ZNF804B: variants seen among roughly 807,000 people sequenced by gnomAD.
ZNF804B encodes zinc finger protein 804B, also known as zinc finger 804B.
ZNF804B carries 80 observed loss-of-function variants against 101.4 expected under a neutral mutation model. The ratio of observed to expected loss-of-function variants is 0.79; its 90% CI spans 0.66 to 0.95. The LOEUF is 0.95. Ranked by LOEUF, ZNF804B falls within the 40% of genes least tolerant of loss-of-function variation. The pLI is 0.00. For synonymous variants in ZNF804B, 622 were observed against 558.8 expected (o/e 1.11, Z -1.59); for missense variants, 1,673 against 1,561.9 (o/e 1.07, Z -1.20).
intron 1 of ZNF804B, among the ~76,000 whole-genome samples, chr7:89,104,089 C>A (rs1304739906): frequency 1.3e-5 from 2 of 151,966 alleles, no homozygotes; most frequent in African/African-American, 2.4e-5. Context: ...ACCTCTTTAT[C>A]ATGCTGAATT....
chr7:89,090,334 A>T (rs922481404), intron 1 of ZNF804B, among the ~76,000 whole-genome samples: 4 of 152,036 alleles, frequency 2.6e-5, no homozygotes, highest in Non-Finnish European at 5.9e-5. Flanking sequence ...AAAATTTTTT[A>T]AAATGCTAGA....
chr7:89,092,096 T>C (rs1156457001), intron 1 of ZNF804B, among the ~76,000 whole-genome samples: 1 of 151,938 alleles, frequency 6.6e-6, no homozygotes, highest in Non-Finnish European at 1.5e-5. Flanking sequence ...AAATCCAAAA[T>C]CAAGGGGCCA....
At chr7:89,142,554 T>C (rs1305603112) in intron 1 of ZNF804B, among the ~76,000 whole-genome samples, 1 of 152,000 alleles carries the variant, frequency 6.6e-6, no homozygotes, top group Non-Finnish European at 1.5e-5. Flanking sequence ...AGTAAAGCTA[T>C]GTTTCATCTC....
At chr7:89,128,746 G>A (rs1158723013) in intron 1 of ZNF804B, among the ~76,000 whole-genome samples, 2 of 151,776 alleles carry the variant, frequency 1.3e-5, no homozygotes, top group East Asian at 1.9e-4. Flanking sequence ...CTACTTCTCT[G>A]TGTAACTAAA....
intron 1 of ZNF804B, among the ~76,000 whole-genome samples, chr7:89,192,669 C>A (rs570017148): frequency 6.6e-5 from 10 of 152,042 alleles, no homozygotes; most frequent in African/African-American, 1.9e-4. Flanking sequence ...CATCATCATT[C>A]TGACACCATA....
At chr7:89,088,039 A>G (rs1789832815) in intron 1 of ZNF804B, among the ~76,000 whole-genome samples, 1 of 151,612 alleles carries the variant, frequency 6.6e-6, no homozygotes, top group South Asian at 2.1e-4. Context: ...TCTTCAAGAG[A>G]GTATATTTGA....
At chr7:89,279,813 C>CT (rs1790054547) in intron 2 of ZNF804B, among the ~76,000 whole-genome samples, 2 of 151,766 alleles carry the variant, frequency 1.3e-5, no homozygotes, top group South Asian at 2.1e-4. Flanking sequence ...CTAAAATTCT[C>CT]TTTTTTGGTT....
At chr7:88,960,420 G>T (rs911356066) in intron 1 of ZNF804B, among the ~76,000 whole-genome samples, 2 of 151,310 alleles carry the variant, frequency 1.3e-5, no homozygotes, top group South Asian at 2.1e-4. Context: ...GTGCGGGAGT[G>T]GGGGATGGTG....
At chr7:89,182,582 A>G (rs566620791) in intron 1 of ZNF804B, among the ~76,000 whole-genome samples, 1 of 152,284 alleles carries the variant, frequency 6.6e-6, no homozygotes, top group South Asian at 2.1e-4. Flanking sequence ...CTTTTTCTTG[A>G]TGACCTTGTA....
intron 1 of ZNF804B, among the ~76,000 whole-genome samples, chr7:89,181,072 T>C (rs1788288569): frequency 6.6e-6 from 1 of 151,502 alleles, no homozygotes; most frequent in Admixed American, 6.6e-5. Flanking sequence ...AGTTGAAAGG[T>C]AATGTCCTCC....
intron 1 of ZNF804B, among the ~76,000 whole-genome samples, chr7:89,038,365 G>A (rs1302366956): frequency 6.6e-6 from 1 of 152,150 alleles, no homozygotes; most frequent in African/African-American, 2.4e-5. Flanking sequence ...CAAAACGAGT[G>A]TGAGGTGATA....
chr7:88,933,657 T>C (rs1032829727), intron 1 of ZNF804B, among the ~76,000 whole-genome samples: 1 of 151,844 alleles, frequency 6.6e-6, no homozygotes, highest in African/African-American at 2.4e-5. Flanking sequence ...AAGCTGAGTA[T>C]CAAATCATGA....
At chr7:88,975,720 GTTGTC>G (rs1793607317) in intron 1 of ZNF804B, among the ~76,000 whole-genome samples, 1 of 151,530 alleles carries the variant, frequency 6.6e-6, no homozygotes, top group Admixed American at 6.6e-5. Flanking sequence ...CAATCTGTGG[GTTGTC>G]TCTTCATTTT....
chr7:88,983,205 T>A (rs575551017), intron 1 of ZNF804B, among the ~76,000 whole-genome samples: 1 of 152,140 alleles, frequency 6.6e-6, no homozygotes, highest in East Asian at 1.9e-4. Flanking sequence ...GACTCTCAGG[T>A]CCAGCATGAG....
intron 1 of ZNF804B, among the ~76,000 whole-genome samples, chr7:89,155,123 A>G (rs1020688868): frequency 3.3e-5 from 5 of 152,120 alleles, no homozygotes; most frequent in Admixed American, 6.5e-5. Context: ...CTCCACCCTG[A>G]TGCTTTCAAA....
At chr7:89,109,330 A>G (rs1790180108) in intron 1 of ZNF804B, among the ~76,000 whole-genome samples, 1 of 152,208 alleles carries the variant, frequency 6.6e-6, no homozygotes, top group African/African-American at 2.4e-5. Context: ...TTGAAGAGTT[A>G]TGAGAATAGC....
intron 1 of ZNF804B, among the ~76,000 whole-genome samples, chr7:88,790,044 C>T (rs997748335): frequency 5.9e-5 from 9 of 151,954 alleles, no homozygotes; most frequent in African/African-American, 1.4e-4. Flanking sequence ...GGATTATCAA[C>T]GGGGCAGTCT....
At chr7:89,197,277 G>C (rs956847038) in intron 1 of ZNF804B, among the ~76,000 whole-genome samples, 1 of 151,724 alleles carries the variant, frequency 6.6e-6, no homozygotes, top group African/African-American at 2.4e-5. Flanking sequence ...AAACAAAACG[G>C]AACAGAACAA....
intron 1 of ZNF804B, among the ~76,000 whole-genome samples, chr7:89,094,391 G>T (rs1490457029): frequency 1.3e-5 from 2 of 152,014 alleles, no homozygotes; most frequent in Admixed American, 1.3e-4. Flanking sequence ...CTTTCCAGTT[G>T]TCTTTTTGAG....
Sources: allele counts gnomAD v4.1 joint callset (sites outside exome capture counted in the v4.1 genomes callset), GRCh38; gene constraint gnomAD v4.1.1; transcripts MANE v1.5; gene names NCBI Gene and HGNC (gene_info 2026-07-23, HGNC 2026-07-21).